MED12L: variants seen among roughly 807,000 people sequenced by gnomAD.
The protein encoded by MED12L is mediator of RNA polymerase II transcription subunit 12-like protein.
MED12L carries 60 observed loss-of-function variants against 281.3 expected under a neutral mutation model. The ratio of observed to expected loss-of-function variants is 0.21; its 90% CI spans 0.17 to 0.26. The LOEUF is 0.26. MED12L is among the 10% of genes least tolerant of loss of function. MED12L has a pLI of 1.00. For synonymous variants in MED12L, 974 were observed against 987.2 expected, an observed-to-expected ratio of 0.99 and a Z score of 0.25; for missense variants, 2,146 against 2,680.9, an observed-to-expected ratio of 0.80 and a Z score of 4.41.
intron 16 of MED12L, among the ~76,000 whole-genome samples, chr3:151,272,624 G>T (rs906492015): frequency 8.5e-5 from 13 of 152,184 alleles, no homozygotes; most frequent in Non-Finnish European, 1.5e-4. Flanking sequence ...TCTGCCCCAA[G>T]TATAAAATAT....
chr3:151,289,339 C>T (rs1483685796), intron 16 of MED12L, among the ~76,000 whole-genome samples: 2 of 152,194 alleles, frequency 1.3e-5, no homozygotes, highest in African/African-American at 4.8e-5. Flanking sequence ...GAAGTTGACT[C>T]ATACTTACAA....
chr3:151,304,965 T>C (rs925692412), intron 16 of MED12L, among the ~76,000 whole-genome samples: 1 of 152,164 alleles, frequency 6.6e-6, no homozygotes, highest in Non-Finnish European at 1.5e-5. Context: ...GAGATGGCTG[T>C]GTGGCTGGTG....
chr3:151,171,944 T>C (rs765989588), intron 11 of MED12L, among the ~76,000 whole-genome samples: 12 of 152,198 alleles, frequency 7.9e-5, no homozygotes, highest in African/African-American at 1.2e-4. Context: ...GCCCAGGAGA[T>C]GCTCAGTCGC....
chr3:151,237,355 T>TTC (rs1553753100), intron 16 of MED12L, among the ~76,000 whole-genome samples: 2 of 128,838 alleles, frequency 1.6e-5, no homozygotes, highest in Non-Finnish European at 3.2e-5. Context: ...TTTTTCTTTT[T>TTC]TTTTTTTTTT....
chr3:151,263,845 A>G (rs564108804), intron 16 of MED12L, among the ~76,000 whole-genome samples: 9 of 152,304 alleles, frequency 5.9e-5, no homozygotes, highest in Admixed American at 2.0e-4. Flanking sequence ...TTTACCCCAT[A>G]GGGTTGTGGT....
chr3:151,285,529 C>T (rs551256029), intron 16 of MED12L, among the ~76,000 whole-genome samples: 129 of 151,642 alleles, frequency 8.5e-4, no homozygotes, highest in Non-Finnish European at 1.5e-3. Context: ...TTTGGGCACT[C>T]GGGAAAGGAT....
intron 12 of MED12L, 90 bp from the exon 13 acceptor site, chr3:151,188,264 C>A: frequency 1.1e-6 from 1 of 933,616 alleles, no homozygotes; most frequent in South Asian, 1.7e-5. Context: ...TTTACCTGAG[C>A]ACTTAAATGC....
intron 11 of MED12L, among the ~76,000 whole-genome samples, chr3:151,173,090 A>G (rs952727343): frequency 2.1e-5 from 3 of 141,158 alleles, no homozygotes; most frequent in Non-Finnish European, 4.5e-5. Flanking sequence ...TTTTTTTTTA[A>G]CTTTTTTGTG....
intron 2 of MED12L, among the ~76,000 whole-genome samples, chr3:151,091,642 T>C (rs1334942653): frequency 6.6e-6 from 1 of 152,236 alleles, no homozygotes; most frequent in African/African-American, 2.4e-5. Flanking sequence ...TTGTGCCCTC[T>C]CTTAGTTCAG....
chr3:151,334,192 C>CTATTTTTTTTT (rs1750679638), intron 16 of MED12L, among the ~76,000 whole-genome samples: 2 of 99,450 alleles, frequency 2.0e-5, no homozygotes, highest in Non-Finnish European at 3.8e-5. Flanking sequence ...TTCTTTCTTT[C>CTATTTTTTTTT]TTTCTTTTTT....
rs199576123 is a variant in MED12L at position 151,365,036 on chromosome 3, G to A, written c.3015G>A (p.Ser1005=). ...ATAATAACGTGATGCCTGCAAATTC[G>A]AACTTGCGATGGGATCCAGACTTCA... ...TIYNNVMPAN[S]NLRWDPDFMM... The change falls in exon 22 of 45, where the codon TCG becomes TCA. Residue 1005 remains serine, a synonymous_variant. Coordinates refer to ENST00000687756, the MANE Select transcript of MED12L (RefSeq NM_001393769.1). The A allele has an allele frequency of 3.7e-6, 6 of 1,613,974 alleles. No individual in the cohort carries two copies. The highest frequency in any genetic ancestry group is 1.1e-5 in the South Asian group (1 of 91,064).
intron 11 of MED12L, among the ~76,000 whole-genome samples, chr3:151,182,355 A>G (rs946141531): frequency 6.6e-6 from 1 of 151,924 alleles, no homozygotes; most frequent in South Asian, 2.1e-4. Context: ...GGCTTTATTC[A>G]TGATGTTCCC....
At chr3:151,231,366 AG>A (rs1348529783) in intron 16 of MED12L, among the ~76,000 whole-genome samples, 1 of 152,230 alleles carries the variant, frequency 6.6e-6, no homozygotes, top group Non-Finnish European at 1.5e-5. Flanking sequence ...CCCATCATTT[AG>A]AGTAATAAAA....
chr3:151,425,422 CAG>C (rs1325892495), intron 43 of MED12L: 6 of 252,824 alleles, frequency 2.4e-5, no homozygotes, highest in African/African-American at 1.3e-4. Flanking sequence ...ATTTTAGAGA[CAG>C]AGGCTCAATC....
intron 16 of MED12L, among the ~76,000 whole-genome samples, chr3:151,297,803 A>G (rs143067840): frequency 1.9e-4 from 29 of 152,256 alleles, no homozygotes; most frequent in Admixed American, 9.8e-4. Flanking sequence ...CCTAACAATT[A>G]TGGTTATTAT....
intron 16 of MED12L, among the ~76,000 whole-genome samples, chr3:151,273,793 A>G (rs552054845): frequency 6.6e-6 from 1 of 152,296 alleles, no homozygotes; most frequent in South Asian, 2.1e-4. Context: ...CAAGGCATAT[A>G]CCATTTCTTA....
intron 36 of MED12L, among the ~76,000 whole-genome samples, chr3:151,386,638 G>A (rs1210656766): frequency 4.7e-5 from 7 of 150,082 alleles, no homozygotes; most frequent in Non-Finnish European, 4.4e-5. Flanking sequence ...GTGCAGTGGC[G>A]TGATCTCGGC....
chr3:151,201,210 A>G (rs1192633010), intron 16 of MED12L, among the ~76,000 whole-genome samples: 1 of 150,302 alleles, frequency 6.7e-6, no homozygotes, highest in Non-Finnish European at 1.5e-5. Context: ...TATGCATACA[A>G]CCACGTGCAC....
intron 44 of MED12L, among the ~76,000 whole-genome samples, chr3:151,431,913 C>A (rs1719580993): frequency 6.6e-6 from 1 of 152,204 alleles, no homozygotes; most frequent in Admixed American, 6.5e-5. Context: ...AGAACGGGAA[C>A]ATTGACTAAT....
Sources: allele counts gnomAD v4.1 joint callset (sites outside exome capture counted in the v4.1 genomes callset), GRCh38; gene constraint gnomAD v4.1.1; transcripts MANE v1.5; gene names NCBI Gene and HGNC (gene_info 2026-07-23, HGNC 2026-07-21).